The following PGS1 variants were observed in gnomAD, a reference collection of about 807,000 sequenced individuals.
PGS1 encodes the protein CDP-diacylglycerol--glycerol-3-phosphate 3-phosphatidyltransferase, mitochondrial.
A neutral mutation model predicts 58.3 loss-of-function variants in PGS1; 44 were observed. The ratio of observed to expected loss-of-function variants is 0.75; its 90% CI spans 0.59 to 0.97. The LOEUF (loss-of-function observed/expected upper bound fraction) is 0.97, where lower values mean the gene tolerates loss of function less well. Ranked by LOEUF, PGS1 falls within the 50% of genes least tolerant of loss-of-function variation. The pLI is 0.00. For missense variants in PGS1, 684 were observed against 731.1 expected (o/e 0.94, Z 0.74); for synonymous variants, 330 against 311.0 (o/e 1.06, Z -0.64).
At chr17:78,416,163 C>T (rs1409675750) in intron 8 of PGS1, among the ~76,000 whole-genome samples, 2 of 152,164 alleles carry the variant, frequency 1.3e-5, no homozygotes, top group East Asian at 1.9e-4. Flanking sequence ...GGAAGTGAAG[C>T]GGTCATCCTC....
intron 3 of PGS1, among the ~76,000 whole-genome samples, chr17:78,397,519 C>G (rs2083323441): frequency 6.6e-6 from 1 of 152,084 alleles, no homozygotes; most frequent in African/African-American, 2.4e-5. Flanking sequence ...TTGCCGCAAC[C>G]TCCGCCTCCT....
chr17:78,381,974 A>C (rs1208372451), intron 1 of PGS1, among the ~76,000 whole-genome samples: 1 of 152,142 alleles, frequency 6.6e-6, no homozygotes, highest in East Asian at 1.9e-4. Flanking sequence ...CCCCACCTCC[A>C]AGACGCTCAG....
At chr17:78,398,905 C>G (rs2083444390) in intron 4 of PGS1, among the ~76,000 whole-genome samples, 1 of 152,238 alleles carries the variant, frequency 6.6e-6, no homozygotes, top group African/African-American at 2.4e-5. Context: ...GTCAAAGCTC[C>G]TGACTGGCCT....
chr17:78,424,001 G>A (rs149800703), intron 9 of PGS1, 60 bp from the exon 10 acceptor site: 88 of 1,614,020 alleles, frequency 5.5e-5, no homozygotes, highest in Admixed American at 2.3e-4. Flanking sequence ...GTGGGGCCGC[G>A]GATGCGTGTT....
At position 78,396,403 on chromosome 17, in the gene PGS1, A is replaced by G. The variant is rs1161595443; in HGVS notation, c.411+18A>G. On this transcript the variant is annotated intron_variant, in intron 3 of 9. Transcript: ENST00000262764. ...AGGAGCTGGTAAGGTTTATGGGGAG[A>G]TGGTTGTGGCAGCAATAGTGAATGG... 1 of 1,576,042 alleles carries G rather than the reference A, an allele frequency of 6.3e-7. No homozygotes were observed.
chr17:78,415,294 C>T (rs1228788720), intron 8 of PGS1, among the ~76,000 whole-genome samples: 1 of 152,212 alleles, frequency 6.6e-6, no homozygotes, highest in Non-Finnish European at 1.5e-5. Flanking sequence ...CCATTTTCTC[C>T]CTGGGACCTT....
rs72903305 is a variant in PGS1, at chr17:78,419,858, A to T, written c.*10+183A>T. ...AAAGTTAGAAGCTGGATGCTAAATT[A>T]GGCAGTCTGTTCACTTTCCATCTGG... is the stretch of plus-strand genomic sequence containing the variant. On this transcript the variant is annotated intron_variant, in intron 9 of 9. Transcript: ENST00000262764. 9,598 of 1,364,848 alleles carry T rather than the reference A, an allele frequency of 7.0e-3. 57 individuals carry two copies. Among genetic ancestry groups the T allele is most frequent in the Non-Finnish European group, 8.2e-3 (8,562 of 1,048,602 alleles). 84.5% of individuals were successfully genotyped at this position (1,364,848 alleles called of 1,614,324 possible).
At chr17:78,414,243 C>T (rs572329229) in intron 7 of PGS1, among the ~76,000 whole-genome samples, 7 of 152,352 alleles carry the variant, frequency 4.6e-5, no homozygotes, top group African/African-American at 1.7e-4. Flanking sequence ...TGTAAGGCAG[C>T]CAGCCTTCAA....
chr17:78,379,837 A>G (rs2146025377), intron 1 of PGS1, among the ~76,000 whole-genome samples: 1 of 152,132 alleles, frequency 6.6e-6, no homozygotes, highest in East Asian at 1.9e-4. Flanking sequence ...TTCAAAAAAA[A>G]AAAATTCTCT....
chr17:78,393,826 A>C (rs374760717), intron 2 of PGS1, among the ~76,000 whole-genome samples: 1 of 152,170 alleles, frequency 6.6e-6, no homozygotes, highest in Admixed American at 6.5e-5. Flanking sequence ...ATTGGAATGA[A>C]CACTAATCAA....
chr17:78,394,599 A>G (rs1341586981), intron 2 of PGS1, among the ~76,000 whole-genome samples: 3 of 151,220 alleles, frequency 2.0e-5, no homozygotes, highest in Non-Finnish European at 4.4e-5. Context: ...CTCGTTGCCC[A>G]GGCTGGAGTG....
chr17:78,389,709 G>A (rs947003573), intron 1 of PGS1, among the ~76,000 whole-genome samples: 8 of 152,150 alleles, frequency 5.3e-5, no homozygotes, highest in African/African-American at 1.9e-4. Flanking sequence ...CGCCTCCTGG[G>A]TTCAAGCGAT....
At chr17:78,404,201 C>A in intron 7 of PGS1, 112 bp downstream of exon 7, 1 of 1,205,434 alleles carries the variant, frequency 8.3e-7, no homozygotes, top group Non-Finnish European at 1.1e-6. Context: ...TCCCTTCCTA[C>A]CTTCCCAGCA....
At chr17:78,394,620 A>G (rs1374608454) in intron 2 of PGS1, among the ~76,000 whole-genome samples, 1 of 151,560 alleles carries the variant, frequency 6.6e-6, no homozygotes, top group Non-Finnish European at 1.5e-5. Context: ...CAATGGCACG[A>G]TCTCGGCTCA....
chr17:78,395,523 G>C (rs1363297518), intron 2 of PGS1, among the ~76,000 whole-genome samples: 1 of 151,474 alleles, frequency 6.6e-6, no homozygotes, highest in Non-Finnish European at 1.5e-5. Context: ...GTATCTTTTG[G>C]GGGTTTGACC....
chr17:78,412,360 C>T (rs1355204203), intron 7 of PGS1, among the ~76,000 whole-genome samples: 4 of 151,988 alleles, frequency 2.6e-5, no homozygotes, highest in Non-Finnish European at 5.9e-5. Context: ...CCTCTCAAAT[C>T]CTGAGCACTC....
intron 7 of PGS1, among the ~76,000 whole-genome samples, chr17:78,407,673 A>G (rs991409164): frequency 3.9e-5 from 6 of 152,366 alleles, no homozygotes; most frequent in Non-Finnish European, 8.8e-5. Flanking sequence ...CCTTGGGCAG[A>G]GACAGGTAGC....
In PGS1 at chr17:78,398,368, C is replaced by T. The variant is rs2292644; in HGVS notation, c.511+17C>T. On this transcript the variant is annotated intron_variant, in intron 4 of 9. Transcript: ENST00000262764. ...GCTCACGAGGTAGGTGGCATGCAAG[C>T]CTGGCCCCTCCTGCTTCCTGTGTCA... The T allele has an allele frequency of 0.61, 952,256 of 1,555,350 alleles. 291,097 individuals carry two copies. The highest frequency in any genetic ancestry group is 0.67 in the Middle Eastern group (3,978 of 5,900).
chr17:78,416,214 C>T (rs2085174696), intron 8 of PGS1, among the ~76,000 whole-genome samples: 1 of 152,202 alleles, frequency 6.6e-6, no homozygotes, highest in Admixed American at 6.5e-5. Flanking sequence ...CAGGTTTCTT[C>T]CTACAGTGAG....
Sources: gnomAD v4.1 joint callset for allele counts (sites outside exome capture counted in the v4.1 genomes callset) on GRCh38, gnomAD v4.1.1 for gene constraint, MANE v1.5 for transcripts, NCBI Gene and HGNC (gene_info 2026-07-23, HGNC 2026-07-21) for gene names.